Variants in ANO6 observed in about 807,000 individuals in gnomAD.
ANO6 encodes anoctamin 6, also known as anoctamin-6.
A neutral mutation model predicts 117.5 loss-of-function variants in ANO6; 106 were observed. That is an observed-to-expected ratio of 0.90 (90% CI 0.77 to 1.06). The LOEUF (loss-of-function observed/expected upper bound fraction) is 1.06, where lower values mean the gene tolerates loss of function less well. Ranked by LOEUF, ANO6 falls within the 50% of genes least tolerant of loss-of-function variation. The pLI, the probability that ANO6 is intolerant of heterozygous loss-of-function variation, is 0.00. For missense variants in ANO6, 955 were observed against 1,121.1 expected (o/e 0.85, Z 2.12); for synonymous variants, 367 against 385.1 (o/e 0.95, Z 0.55).
At chr12:45,232,994 T>C (rs1416753945) in intron 1 of ANO6, among the ~76,000 whole-genome samples, 1 of 152,188 alleles carries the variant, frequency 6.6e-6, no homozygotes, top group African/African-American at 2.4e-5. Context: ...CATCTTTTCC[T>C]CTTGAGGAAG....
At chr12:45,287,505 G>A (rs1393750677) in intron 1 of ANO6, among the ~76,000 whole-genome samples, 2 of 152,190 alleles carry the variant, frequency 1.3e-5, no homozygotes, top group Admixed American at 6.5e-5. Flanking sequence ...TCTATTGCAC[G>A]CTCTTAAGTG....
At chr12:45,410,891 A>C (rs938192526) in intron 16 of ANO6, among the ~76,000 whole-genome samples, 4 of 152,238 alleles carry the variant, frequency 2.6e-5, no homozygotes, top group Non-Finnish European at 4.4e-5. Flanking sequence ...TTTAGTCAAC[A>C]GTACTTTGCA....
chr12:45,362,598 T>C (rs1565719677), intron 8 of ANO6, among the ~76,000 whole-genome samples: 1 of 152,166 alleles, frequency 6.6e-6, no homozygotes, highest in Non-Finnish European at 1.5e-5. Flanking sequence ...TGTGTCTTTT[T>C]GTCTCTTGTT....
At chr12:45,333,279 T>C (rs1027779326) in intron 3 of ANO6, among the ~76,000 whole-genome samples, 1 of 152,060 alleles carries the variant, frequency 6.6e-6, no homozygotes, top group Non-Finnish European at 1.5e-5. Context: ...TTTCCTGTTA[T>C]TATACAATTT....
intron 2 of ANO6, among the ~76,000 whole-genome samples, chr12:45,320,368 C>T (rs1303530796): frequency 1.3e-5 from 2 of 152,006 alleles, no homozygotes; most frequent in Non-Finnish European, 2.9e-5. Context: ...GCCTTCATTT[C>T]GTTATGTACC....
chr12:45,327,884 G>A (rs1940525191), intron 2 of ANO6, among the ~76,000 whole-genome samples: 3 of 152,090 alleles, frequency 2.0e-5, no homozygotes, highest in Admixed American at 2.0e-4. Flanking sequence ...GAGCCCTTGA[G>A]TTCTCAGCAG....
chr12:45,365,900 TTTGACAATTTTTGCCAGTGTTCTCA>T (rs1941672006), intron 8 of ANO6, among the ~76,000 whole-genome samples: 1 of 152,214 alleles, frequency 6.6e-6, no homozygotes, highest in Non-Finnish European at 1.5e-5. Flanking sequence ...AAAGGCTGAT[TTTGACAATTTTTGCCAGTGTTCTCA>T]TTGCTTTTAT....
chr12:45,287,052 A>G (rs1938940393), intron 1 of ANO6, among the ~76,000 whole-genome samples: 1 of 152,224 alleles, frequency 6.6e-6, no homozygotes, highest in Non-Finnish European at 1.5e-5. Context: ...GGATTCAGCC[A>G]TGAACAAGGT....
At chr12:45,423,339 G>A (rs1209560737) in intron 19 of ANO6, among the ~76,000 whole-genome samples, 2 of 152,132 alleles carry the variant, frequency 1.3e-5, no homozygotes, top group Non-Finnish European at 2.9e-5. Context: ...CAGCATGTTG[G>A]GCTATGAAAG....
chr12:45,375,702 A>G (rs1941992039), intron 9 of ANO6, among the ~76,000 whole-genome samples: 3 of 150,998 alleles, frequency 2.0e-5, no homozygotes, highest in Admixed American at 6.6e-5. Flanking sequence ...ACAAAAATCA[A>G]TTCAAGATGG....
At position 45,431,387 on chromosome 12, in the gene ANO6, C is replaced by T. The variant is rs879764516; in HGVS notation, c.*2076C>T. 1.7e-5 allele frequency: 17 copies of T among 985,330 alleles called. No homozygotes were observed. Among genetic ancestry groups the T allele is most frequent in the Middle Eastern group, 1.0e-3 (2 of 1,914 alleles). The allele number at this position is 985,330 out of a possible 1,614,324, so 61.0% of individuals were successfully genotyped here. A position where few individuals can be genotyped will look rare whatever the true frequency, so the allele number is the denominator to read the frequency against. On this transcript the variant is annotated 3_prime_UTR_variant, in exon 20 of 20. Coordinates refer to ENST00000320560, the MANE Select transcript of ANO6 (RefSeq NM_001025356.3). Reference sequence around the variant, plus strand: ...CTAGTGTTTAAATTTGGCAGTTACTCGCCATGTATGTCAGCATAGAAAAGG... The same window carrying T: ...CTAGTGTTTAAATTTGGCAGTTACTTGCCATGTATGTCAGCATAGAAAAGG...
intron 8 of ANO6, among the ~76,000 whole-genome samples, chr12:45,358,475 T>TA (rs34469037): frequency 0.057 from 8,415 of 147,656 alleles, 457 homozygotes; most frequent in East Asian, 0.32. Context: ...TGTTCTAGTT[T>TA]AAAAAAAAAA....
chr12:45,308,704 C>A (rs1939757615), intron 2 of ANO6, among the ~76,000 whole-genome samples: 1 of 152,186 alleles, frequency 6.6e-6, no homozygotes, highest in African/African-American at 2.4e-5. Context: ...ACTAGAGCAA[C>A]CTGGAAAAAG....
intron 1 of ANO6, among the ~76,000 whole-genome samples, chr12:45,267,252 G>A (rs936311822): frequency 5.3e-5 from 8 of 152,136 alleles, no homozygotes; most frequent in African/African-American, 1.2e-4. Context: ...CACCTTTTCT[G>A]TGCCCTCACA....
At chr12:45,368,112 C>G (rs537960771) in intron 9 of ANO6, among the ~76,000 whole-genome samples, 1 of 152,282 alleles carries the variant, frequency 6.6e-6, no homozygotes, top group African/African-American at 2.4e-5. Flanking sequence ...TTAATAGATT[C>G]ACTACAGGTT....
At chr12:45,381,450 T>C (rs748076530) in intron 10 of ANO6, among the ~76,000 whole-genome samples, 20 of 152,204 alleles carry the variant, frequency 1.3e-4, no homozygotes, top group African/African-American at 1.7e-4. Flanking sequence ...AATTTCTGTC[T>C]GTGATCATGC....
chr12:45,383,595 T>C (rs7134442), intron 10 of ANO6, among the ~76,000 whole-genome samples: 4,915 of 152,308 alleles, frequency 0.032, 245 homozygotes, highest in African/African-American at 0.11. Flanking sequence ...ACGGATGTTG[T>C]GTTCATAGCC....
rs1226292759 is a variant in ANO6 at position 45,412,278 on chromosome 12, C to A, written c.2011+2791C>A. Among the ~76,000 whole-genome samples, 3 of 152,152 alleles carry A rather than the reference C, an allele frequency of 2.0e-5. 1 individual carries two copies. Among genetic ancestry groups the A allele is most frequent in the Non-Finnish European group, 4.4e-5 (3 of 68,032 alleles). On this transcript the variant is annotated intron_variant, in intron 16 of 19. Coordinates refer to ENST00000320560, the MANE Select transcript of ANO6 (RefSeq NM_001025356.3). ...AGGTGTCCTGAGAACTTGATGAGGC[C>A]TTCCTGGTGGGCAAGTGCCATAAAC...
intron 8 of ANO6, among the ~76,000 whole-genome samples, chr12:45,360,624 A>G (rs749784966): frequency 1.3e-5 from 2 of 152,120 alleles, no homozygotes; most frequent in Non-Finnish European, 2.9e-5. Flanking sequence ...GATGATCTCC[A>G]GTTTACCTTT....
Sources: allele counts gnomAD v4.1 joint callset (sites outside exome capture counted in the v4.1 genomes callset), GRCh38; gene constraint gnomAD v4.1.1; transcripts MANE v1.5; gene names NCBI Gene and HGNC (gene_info 2026-07-23, HGNC 2026-07-21).